Variants in AXIN1 observed in about 807,000 individuals in gnomAD.
AXIN1 encodes the protein axin-1.
In AXIN1, 30 loss-of-function variants were observed where a neutral mutation model predicts 76.4. The observed-to-expected ratio is 0.39, with a 90% CI of 0.29 to 0.53. The LOEUF is 0.53. Among genes scored for constraint, AXIN1 ranks in the 20% least tolerant of loss-of-function variants. The pLI, the probability that AXIN1 is intolerant of heterozygous loss-of-function variation, is 0.66. For missense variants in AXIN1, 1,140 were observed against 1,198.8 expected, an observed-to-expected ratio of 0.95 and a Z score of 0.72; for synonymous variants, 545 against 501.4, an observed-to-expected ratio of 1.09 and a Z score of -1.16.
intron 9 of AXIN1, chr16:289,951 C>T (rs937630466): frequency 9.1e-6 from 4 of 439,516 alleles, no homozygotes; most frequent in Non-Finnish European, 1.7e-5. Context: ...ACCTACGGCC[C>T]CCAAACCTTA....
rs71299927 is a variant in AXIN1, at chr16:320,743, ATT to A, written c.879-6062_879-6061del. 4.2e-3 allele frequency among the ~76,000 whole-genome samples: 457 copies of A among 107,624 alleles called. 2 individuals carry two copies. The highest frequency in any genetic ancestry group is 9.6e-3 in the Middle Eastern group (2 of 208). 70.6% of individuals were successfully genotyped at this position (107,624 alleles called of 152,430 possible). On this transcript the variant is annotated intron_variant, in intron 2 of 10. Coordinates refer to ENST00000262320, the MANE Select transcript of AXIN1 (RefSeq NM_003502.4). Reference sequence around the variant, plus strand: ...TGTGTGTATATATATATATATATATATTTTTTTTTTTTTTGAGACGGAGCCTC... The same window carrying A: ...TGTGTGTATATATATATATATATATATTTTTTTTTTTTGAGACGGAGCCTC...
chr16:297,688 C>G (rs950064057), intron 6 of AXIN1, 34 bp downstream of exon 6: 2 of 1,570,674 alleles, frequency 1.3e-6, no homozygotes. Context: ...AGCCTCACCC[C>G]AAGCCCCCTC....
intron 2 of AXIN1, among the ~76,000 whole-genome samples, chr16:322,474 G>C (rs577631656): frequency 1.3e-5 from 2 of 152,350 alleles, no homozygotes; most frequent in African/African-American, 4.8e-5. Flanking sequence ...GCCTGTGCAG[G>C]AGCTGAGTTA....
chr16:305,122 C>T (rs542050669), intron 4 of AXIN1, among the ~76,000 whole-genome samples: 30 of 152,340 alleles, frequency 2.0e-4, no homozygotes, highest in African/African-American at 7.0e-4. Context: ...CAGGGAAGGA[C>T]GCCCAGGATT....
intron 3 of AXIN1, among the ~76,000 whole-genome samples, chr16:310,639 C>A (rs568736001): frequency 2.6e-5 from 4 of 152,230 alleles, no homozygotes; most frequent in Admixed American, 2.6e-4. Context: ...CCTCGTGATC[C>A]GCCCGCCTCG....
intron 5 of AXIN1, among the ~76,000 whole-genome samples, chr16:301,372 A>G (rs1269671810): frequency 6.6e-6 from 1 of 151,258 alleles, no homozygotes; most frequent in Non-Finnish European, 1.5e-5. Flanking sequence ...GGATCCACAC[A>G]CCTGTGGGCA....
chr16:293,778 G>C lies in AXIN1; in HGVS notation c.1956-60C>G. 6.5e-7 allele frequency: 1 copy of C among 1,527,434 alleles called. No homozygotes were observed. The highest frequency in any genetic ancestry group is 1.7e-5 in the Admixed American group (1 of 59,904). The allele number at this position is 1,527,434 out of a possible 1,614,324, so 94.6% of individuals were successfully genotyped here. On this transcript the variant is annotated intron_variant, in intron 7 of 10. Transcript: ENST00000262320. This position sits in a 1 kb window ranked among gnomAD's most constrained non-coding sequence, Gnocchi z 4.6. ...CGACACCCTGGCCAGGTGGCCTGGT[G>C]GGGCTACACTCATCTCACAAGGGCA... is the stretch of plus-strand genomic sequence containing the variant.
chr16:310,448 G>A (rs2053147130), intron 3 of AXIN1, among the ~76,000 whole-genome samples: 1 of 152,084 alleles, frequency 6.6e-6, no homozygotes, highest in Non-Finnish European at 1.5e-5. Context: ...CCAGGCTGGA[G>A]TGCAGTGGCA....
intron 2 of AXIN1, among the ~76,000 whole-genome samples, chr16:326,372 A>AAAAAAAAAAAAATATATATAT (rs1380874299): frequency 1.5e-4 from 13 of 86,454 alleles, no homozygotes; most frequent in African/African-American, 7.6e-4. Context: ...AAAAAAAAAA[A>AAAAAAAAAAAAATATATATAT]ATATATATAT....
chr16:324,952 G>A lies in AXIN1; in HGVS notation c.879-10269C>T, dbSNP rs182591747. 3.0e-3 allele frequency among the ~76,000 whole-genome samples: 452 copies of A among 152,330 alleles called. 1 individual carries two copies. Among genetic ancestry groups the A allele is most frequent in the African/African-American group, 0.01 (426 of 41,578 alleles). ...AGAACTCCGGGATGAACAAAGGCAAGGAAACGGCTGTGTAAAAATCAGCTC... is the reference window on the plus strand; with the variant it reads ...AGAACTCCGGGATGAACAAAGGCAAAGAAACGGCTGTGTAAAAATCAGCTC... On this transcript the variant is annotated intron_variant, in intron 2 of 10. Coordinates refer to ENST00000262320, the MANE Select transcript of AXIN1 (RefSeq NM_003502.4).
chr16:304,197 G>A (rs1167790275), intron 5 of AXIN1, 107 bp downstream of exon 5: 14 of 1,578,650 alleles, frequency 8.9e-6, no homozygotes, highest in South Asian at 1.1e-5. Flanking sequence ...TGGGTCAGCA[G>A]GCCTCGGCCA....
At chr16:299,528 T>C (rs2052811019) in intron 5 of AXIN1, among the ~76,000 whole-genome samples, 1 of 151,830 alleles carries the variant, frequency 6.6e-6, no homozygotes, top group Admixed American at 6.6e-5. Context: ...AATTTTTTTG[T>C]ATTTTTAGTA....
At chr16:317,445 G>A (rs543671438) in intron 2 of AXIN1, among the ~76,000 whole-genome samples, 15 of 152,318 alleles carry the variant, frequency 9.8e-5, no homozygotes, top group African/African-American at 3.4e-4. Context: ...TGGAAAACAC[G>A]GTTCACGATG....
intron 1 of AXIN1, among the ~76,000 whole-genome samples, chr16:348,617 TAGTG>T (rs2054079817): frequency 6.6e-6 from 1 of 151,878 alleles, no homozygotes; most frequent in Non-Finnish European, 1.5e-5. Flanking sequence ...CTGGGCAACA[TAGTG>T]AGACCCAATC....
At chr16:349,248 T>C (rs1244268967) in intron 1 of AXIN1, among the ~76,000 whole-genome samples, 1 of 152,238 alleles carries the variant, frequency 6.6e-6, no homozygotes, top group Non-Finnish European at 1.5e-5. Flanking sequence ...GTATGTCATC[T>C]TGGCCTCAGC....
In AXIN1 at chr16:332,450, G is replaced by A. The variant is rs1003722301; in HGVS notation, c.878+13698C>T. 1.6e-4 allele frequency among the ~76,000 whole-genome samples: 24 copies of A among 151,782 alleles called. 1 individual carries two copies. The highest frequency in any genetic ancestry group is 4.1e-4 in the South Asian group (2 of 4,824). ...AAATTAGCTGGGCGTGGTGGCGGGC[G>A]CCTGTAGTCCCAGCTCTAGGGAGGC... On this transcript the variant is annotated intron_variant, in intron 2 of 10. Transcript: ENST00000262320.
intron 2 of AXIN1, among the ~76,000 whole-genome samples, chr16:339,143 C>T (rs1252280915): frequency 2.1e-5 from 3 of 142,294 alleles, no homozygotes; most frequent in East Asian, 2.1e-4. Flanking sequence ...TTTGGGAGGC[C>T]GAGACGGGCA....
Position 346,534 on chromosome 16 carries a change from G to C in AXIN1, c.492C>G (p.Thr164=), listed in dbSNP as rs2054037998. The stretch of plus-strand genomic sequence containing the variant: ...TGATGCAGCCCTTTATGAAGCTCTT[G>C]GTGGCTGGCTTGGTCTGCCGGGACA... The part of the protein sequence containing the change: ...GIVSRQTKPA[T]KSFIKGCIMK... Residue 164 remains threonine (T), a synonymous_variant, in exon 2 of 11, where the codon ACC becomes ACG. Coordinates refer to ENST00000262320, the MANE Select transcript of AXIN1 (RefSeq NM_003502.4). 1 of 1,614,188 alleles carries C rather than the reference G, an allele frequency of 6.2e-7. No homozygotes were observed. The highest frequency in any genetic ancestry group is 1.1e-5 in the South Asian group (1 of 91,084).
intron 9 of AXIN1, chr16:289,930 A>C (rs1414256839): frequency 4.1e-6 from 2 of 487,076 alleles, no homozygotes; most frequent in Non-Finnish European, 7.5e-6. Context: ...CAGGGCTCCT[A>C]TCTCAGGAAG....
Sources: allele counts gnomAD v4.1 joint callset (sites outside exome capture counted in the v4.1 genomes callset), GRCh38; gene constraint gnomAD v4.1.1; non-coding constraint Gnocchi (gnomAD v3.1); transcripts MANE v1.5; gene names NCBI Gene and HGNC (gene_info 2026-07-23, HGNC 2026-07-21).